The following SLC9D1 variants were observed in gnomAD, a reference collection of about 807,000 sequenced individuals.
SLC9D1 encodes solute carrier family 9 member D1, also known as putative LAG1-interacting protein.
the SLC9D1 span, chr13:113,500,068 G>A: frequency 6.3e-7 from 1 of 1,598,444 alleles, no homozygotes; most frequent in Non-Finnish European, 8.5e-7. Flanking sequence ...TTAGCATGCT[G>A]ATTGACTCCC....
the SLC9D1 span, chr13:113,529,041 AAAACTC>A: frequency 6.6e-6 from 1 of 152,254 alleles, no homozygotes; most frequent in African/African-American, 2.4e-5. Context: ...GGGCATTTGT[AAAACTC>A]AAACACCACG....
At chr13:113,519,347 C>CTTTTT in the SLC9D1 span, among the ~76,000 whole-genome samples, 1 of 136,044 alleles carries the variant, frequency 7.4e-6, no homozygotes, top group Non-Finnish European at 1.6e-5. Context: ...CGCCCAGCCG[C>CTTTTT]TTTTTTTTTT....
the SLC9D1 span, among the ~76,000 whole-genome samples, chr13:113,538,068 A>G: frequency 6.6e-6 from 1 of 150,718 alleles, no homozygotes; most frequent in Non-Finnish European, 1.5e-5. Context: ...GTACATGTGC[A>G]TGCATTCGTT....
At chr13:113,526,019 G>A in the SLC9D1 span, among the ~76,000 whole-genome samples, 109 of 150,394 alleles carry the variant, frequency 7.2e-4, 2 homozygotes, top group East Asian at 0.02. Context: ...CGTCGTCGTC[G>A]TAGGAGACGA....
the SLC9D1 span, chr13:113,503,999 A>G: frequency 6.2e-6 from 1 of 160,988 alleles, no homozygotes; most frequent in Non-Finnish European, 1.4e-5. Context: ...ACACCGCACA[A>G]AAGAGGAAAG....
chr13:113,531,103 C>T, the SLC9D1 span, among the ~76,000 whole-genome samples: 1 of 152,234 alleles, frequency 6.6e-6, no homozygotes, highest in African/African-American at 2.4e-5. Flanking sequence ...CCCACTGCCA[C>T]CATCAGTGGA....
chr13:113,503,801 G>T, the SLC9D1 span: 1 of 542,816 alleles, frequency 1.8e-6, no homozygotes, highest in East Asian at 3.1e-5. Context: ...ATTGGAATTT[G>T]CCTTCACATG....
At chr13:113,501,667 C>T in the SLC9D1 span, 130,925 of 1,044,050 alleles carry the variant, frequency 0.13, 10,569 homozygotes, top group African/African-American at 0.35. Context: ...CGGGGAACTA[C>T]GTCCTGTTCT....
At chr13:113,518,927 ATC>A in the SLC9D1 span, among the ~76,000 whole-genome samples, 1 of 152,170 alleles carries the variant, frequency 6.6e-6, no homozygotes, top group Admixed American at 6.5e-5. Context: ...AATTACCTGA[ATC>A]TCTATCCAGA....
At chr13:113,546,359 T>C in the SLC9D1 span, among the ~76,000 whole-genome samples, 4 of 150,102 alleles carry the variant, frequency 2.7e-5, no homozygotes, top group Non-Finnish European at 5.9e-5. The surrounding 1 kb of genome is among the most constrained non-coding windows in gnomAD (Gnocchi z 7.1). Flanking sequence ...GCCAGGCTGG[T>C]GGCCGGGGTA....
At chr13:113,510,086 G>T in the SLC9D1 span, 1 of 687,810 alleles carries the variant, frequency 1.5e-6, no homozygotes, top group East Asian at 2.5e-5. Context: ...CCCTGTGTGA[G>T]GATTCACCAT....
the SLC9D1 span, among the ~76,000 whole-genome samples, chr13:113,496,661 G>A: frequency 6.6e-6 from 1 of 152,064 alleles, no homozygotes; most frequent in African/African-American, 2.4e-5. Context: ...AAAGTATCAC[G>A]TCATCTTCAT....
At chr13:113,542,861 C>A in the SLC9D1 span, among the ~76,000 whole-genome samples, 2 of 152,134 alleles carry the variant, frequency 1.3e-5, no homozygotes, top group Admixed American at 6.5e-5. Flanking sequence ...ATAGCCGAGG[C>A]AGTCCTGAAA....
chr13:113,502,354 C>CTCA, the SLC9D1 span, among the ~76,000 whole-genome samples: 1 of 152,146 alleles, frequency 6.6e-6, no homozygotes, highest in Non-Finnish European at 1.5e-5. Context: ...GCTGGGATTA[C>CTCA]AGGTGCACAC....
chr13:113,507,986 C>G, the SLC9D1 span, among the ~76,000 whole-genome samples: 1 of 152,254 alleles, frequency 6.6e-6, no homozygotes, highest in Non-Finnish European at 1.5e-5. Context: ...CAGATTCTGA[C>G]CTGGGCGCAC....
At chr13:113,539,555 G>C in the SLC9D1 span, 1 of 1,590,820 alleles carries the variant, frequency 6.3e-7, no homozygotes, top group Non-Finnish European at 8.6e-7. This position sits in a 1 kb window ranked among gnomAD's most constrained non-coding sequence, Gnocchi z 4.8. Context: ...AACGTATGCA[G>C]AGTGGTTCTG....
chr13:113,517,881 A>G, the SLC9D1 span, among the ~76,000 whole-genome samples: 10 of 151,002 alleles, frequency 6.6e-5, no homozygotes, highest in Admixed American at 6.6e-4. Flanking sequence ...TGGAGGGAAG[A>G]GGGGCCCCAC....
the SLC9D1 span, chr13:113,549,738 A>G: frequency 4.0e-6 from 3 of 746,470 alleles, no homozygotes; most frequent in South Asian, 1.5e-5. Context: ...GTTTATTTGC[A>G]GTCTGTTGAT....
the SLC9D1 span, chr13:113,503,467 T>G: frequency 6.5e-7 from 1 of 1,544,928 alleles, no homozygotes; most frequent in Non-Finnish European, 8.9e-7. Context: ...ACATGTACAA[T>G]TATATGGTTT....
Sources: gnomAD v4.1 joint callset for allele counts (sites outside exome capture counted in the v4.1 genomes callset) on GRCh38, gnomAD v4.1.1 for gene constraint, Gnocchi (gnomAD v3.1) non-coding constraint, MANE v1.5 for transcripts, NCBI Gene and HGNC (gene_info 2026-07-23, HGNC 2026-07-21) for gene names.